CYP7B1: variants seen among roughly 807,000 people sequenced by gnomAD.
The protein encoded by CYP7B1 is cytochrome P450 family 7 subfamily B member 1.
CYP7B1 carries 29 observed loss-of-function variants against 42.7 expected under a neutral mutation model. That is an observed-to-expected ratio of 0.68 (90% CI 0.51 to 0.93). The LOEUF (loss-of-function observed/expected upper bound fraction) is 0.93, where lower values mean the gene tolerates loss of function less well. Among genes scored for constraint, CYP7B1 ranks in the 40% least tolerant of loss-of-function variants. CYP7B1 has a pLI of 0.00. For synonymous variants in CYP7B1, 235 were observed against 218.2 expected, an observed-to-expected ratio of 1.08 and a Z score of -0.68; for missense variants, 655 against 600.5, an observed-to-expected ratio of 1.09 and a Z score of -0.95.
intron 1 of CYP7B1, among the ~76,000 whole-genome samples, chr8:64,797,724 G>C (rs1706121642): frequency 6.6e-6 from 1 of 152,102 alleles, no homozygotes; most frequent in Admixed American, 6.5e-5. Flanking sequence ...GCATCCGCTT[G>C]GTTCTCAAAA....
chr8:64,772,045 T>C (rs1804243365), intron 1 of CYP7B1, among the ~76,000 whole-genome samples: 1 of 152,234 alleles, frequency 6.6e-6, no homozygotes, highest in African/African-American at 2.4e-5. Flanking sequence ...TCTCATAAGA[T>C]GACCTTGCTT....
chr8:64,711,101 AGAGG>A (rs1807072710), intron 1 of CYP7B1, among the ~76,000 whole-genome samples: 1 of 152,098 alleles, frequency 6.6e-6, no homozygotes, highest in African/African-American at 2.4e-5. Context: ...TGTGGGCATG[AGAGG>A]GAGGGAGGGA....
chr8:64,747,806 C>T (rs1807667151), intron 1 of CYP7B1, among the ~76,000 whole-genome samples: 2 of 151,990 alleles, frequency 1.3e-5, no homozygotes, highest in South Asian at 4.2e-4. Context: ...AGCACTTAAC[C>T]CAGCACCTGG....
intron 1 of CYP7B1, among the ~76,000 whole-genome samples, chr8:64,683,244 G>T (rs1252620584): frequency 6.6e-6 from 1 of 152,172 alleles, no homozygotes; most frequent in East Asian, 1.9e-4. Context: ...ATACCCAATG[G>T]AGTACTATCT....
At chr8:64,620,654 C>T (rs1397749105) in intron 2 of CYP7B1, among the ~76,000 whole-genome samples, 1 of 152,192 alleles carries the variant, frequency 6.6e-6, no homozygotes, top group Admixed American at 6.5e-5. Flanking sequence ...GAGCGGAAGA[C>T]TTTGTTCTTC....
chr8:64,725,135 T>A (rs929281446), intron 1 of CYP7B1, among the ~76,000 whole-genome samples: 10 of 152,244 alleles, frequency 6.6e-5, no homozygotes, highest in Admixed American at 2.6e-4. Context: ...ATCACATTTC[T>A]ACATAGCTGT....
Position 64,709,230 on chromosome 8 carries a change from C to G in CYP7B1, c.123-84691G>C, listed in dbSNP as rs1359510679. 2.0e-5 allele frequency among the ~76,000 whole-genome samples: 3 copies of G among 152,116 alleles called. 1 individual carries two copies. In the East Asian group the frequency reaches 5.8e-4, roughly 29 times the overall value. On this transcript the variant is annotated intron_variant, in intron 1 of 5. Coordinates refer to ENST00000310193, the MANE Select transcript of CYP7B1 (RefSeq NM_004820.5). ...GAGGAAGAACCAAAATATAATCAAG[C>G]CTGTTTAGCTGCAAATGCCAAGCTT...
chr8:64,754,221 C>T (rs1300412645), intron 1 of CYP7B1, among the ~76,000 whole-genome samples: 2 of 152,232 alleles, frequency 1.3e-5, no homozygotes, highest in East Asian at 1.9e-4. Flanking sequence ...AATGGGAAGT[C>T]GGGAAGAGTC....
intron 1 of CYP7B1, among the ~76,000 whole-genome samples, chr8:64,789,828 T>C (rs1302119030): frequency 6.6e-6 from 1 of 152,176 alleles, no homozygotes; most frequent in Admixed American, 6.5e-5. Flanking sequence ...GATGTTTAAA[T>C]AAATCCACAT....
chr8:64,659,797 C>T (rs1281593336), intron 1 of CYP7B1, among the ~76,000 whole-genome samples: 1 of 152,082 alleles, frequency 6.6e-6, no homozygotes, highest in Non-Finnish European at 1.5e-5. Context: ...GTTGAGGTAC[C>T]TGTGGGCAAA....
At chr8:64,623,650 GT>G (rs1285707007) in intron 2 of CYP7B1, among the ~76,000 whole-genome samples, 4 of 152,080 alleles carry the variant, frequency 2.6e-5, no homozygotes, top group Admixed American at 6.5e-5. Flanking sequence ...CAATTCTGCT[GT>G]TTTTTTCTTC....
At chr8:64,754,630 G>A (rs1807780518) in intron 1 of CYP7B1, among the ~76,000 whole-genome samples, 1 of 152,238 alleles carries the variant, frequency 6.6e-6, no homozygotes, top group African/African-American at 2.4e-5. Context: ...TCAAGCCCTT[G>A]AGCAAGGCTA....
intron 1 of CYP7B1, among the ~76,000 whole-genome samples, chr8:64,676,673 A>G (rs1384137365): frequency 2.0e-5 from 3 of 152,140 alleles, no homozygotes; most frequent in African/African-American, 7.2e-5. Context: ...GTGATATATT[A>G]ATAATATATA....
chr8:64,771,610 T>C (rs1804232818), intron 1 of CYP7B1, among the ~76,000 whole-genome samples: 1 of 152,074 alleles, frequency 6.6e-6, no homozygotes, highest in Non-Finnish European at 1.5e-5. Context: ...GGTGCAGGGG[T>C]CAATGCCCTC....
At chr8:64,761,103 A>G (rs181084379) in intron 1 of CYP7B1, among the ~76,000 whole-genome samples, 11 of 152,288 alleles carry the variant, frequency 7.2e-5, no homozygotes, top group African/African-American at 2.2e-4. Flanking sequence ...AGCAAGCATT[A>G]GATGATATCA....
chr8:64,597,264 TACCA>T (rs1805133340), intron 5 of CYP7B1, among the ~76,000 whole-genome samples: 1 of 152,188 alleles, frequency 6.6e-6, no homozygotes, highest in Admixed American at 6.5e-5. Flanking sequence ...CACTTGATTA[TACCA>T]ATGTTAGGTA....
intron 1 of CYP7B1, among the ~76,000 whole-genome samples, chr8:64,632,417 G>A (rs573660286): frequency 6.6e-6 from 1 of 152,242 alleles, no homozygotes; most frequent in Admixed American, 6.5e-5. Flanking sequence ...GGGCTGGGGA[G>A]AGGGAGGAAA....
intron 4 of CYP7B1, among the ~76,000 whole-genome samples, chr8:64,608,805 G>C (rs1309255593): frequency 2.0e-5 from 3 of 152,184 alleles, no homozygotes; most frequent in African/African-American, 7.2e-5. Flanking sequence ...CATATAATTT[G>C]AGGCAAAATA....
At position 64,695,603 on chromosome 8, in the gene CYP7B1, CTTTTTT is replaced by C. The variant is rs35575527; in HGVS notation, c.123-71070_123-71065del. ...CAAAATAAAACATGTTATCAAATTC[CTTTTTT>C]TTTTTTTTTTTTTTTTTTTTAAGGA... On this transcript the variant is annotated intron_variant, in intron 1 of 5. Coordinates refer to ENST00000310193, the MANE Select transcript of CYP7B1 (RefSeq NM_004820.5). 6.5e-3 allele frequency among the ~76,000 whole-genome samples: 646 copies of C among 100,130 alleles called. 1 individual carries two copies. The highest frequency in any genetic ancestry group is 0.01 in the Admixed American group (79 of 7,800). The allele number at this position is 100,130 out of a possible 152,430, so 65.7% of individuals were successfully genotyped here. A position where few individuals can be genotyped will look rare whatever the true frequency, so the allele number is the denominator to read the frequency against.
Sources: gnomAD v4.1 joint callset for allele counts (sites outside exome capture counted in the v4.1 genomes callset) on GRCh38, gnomAD v4.1.1 for gene constraint, MANE v1.5 for transcripts, NCBI Gene and HGNC (gene_info 2026-07-23, HGNC 2026-07-21) for gene names.